Variants in KIAA0232 observed in about 807,000 individuals in gnomAD.
The protein encoded by KIAA0232 is uncharacterized protein KIAA0232.
Under a neutral mutation model 122.0 loss-of-function variants are expected in KIAA0232, and 27 were observed. That is an observed-to-expected ratio of 0.22 (90% CI 0.16 to 0.31). The LOEUF (loss-of-function observed/expected upper bound fraction) is 0.31. Ranked by LOEUF, KIAA0232 falls within the 10% of genes least tolerant of loss-of-function variation. KIAA0232 has a pLI of 1.00. For synonymous variants in KIAA0232, 613 were observed against 587.6 expected (o/e 1.04, Z -0.63); for missense variants, 1,551 against 1,634.2 (o/e 0.95, Z 0.88).
intron 2 of KIAA0232, among the ~76,000 whole-genome samples, chr4:6,822,027 T>C (rs1718448713): frequency 6.6e-6 from 1 of 152,140 alleles, no homozygotes; most frequent in Non-Finnish European, 1.5e-5. Context: ...AATTTTTCTG[T>C]TTATGACAAG....
At chr4:6,796,078 G>T (rs1264087269) in intron 1 of KIAA0232, among the ~76,000 whole-genome samples, 3 of 152,144 alleles carry the variant, frequency 2.0e-5, no homozygotes, top group Non-Finnish European at 4.4e-5. Flanking sequence ...TGTGGTTTGT[G>T]CGTAAGTGAG....
chr4:6,873,109 G>A (rs1443613514), intron 8 of KIAA0232, among the ~76,000 whole-genome samples: 1 of 152,202 alleles, frequency 6.6e-6, no homozygotes, highest in East Asian at 1.9e-4. Context: ...CCTTGGTTGC[G>A]TGCAAGGTGC....
At chr4:6,794,232 C>G (rs1177816307) in intron 1 of KIAA0232, among the ~76,000 whole-genome samples, 1 of 152,210 alleles carries the variant, frequency 6.6e-6, no homozygotes, top group Non-Finnish European at 1.5e-5. Flanking sequence ...ATGGGGAATT[C>G]TCATGCTGAA....
In KIAA0232 at chr4:6,804,132, G is replaced by A. The variant is rs150472680; in HGVS notation, c.-353-391G>A. Among the ~76,000 whole-genome samples, 863 of 152,312 alleles carry A rather than the reference G, an allele frequency of 5.7e-3. 8 individuals carry two copies. The highest frequency in any genetic ancestry group is 0.02 in the African/African-American group (830 of 41,568). ...CACAGCTAGTAGGAATTCTCAATGT[G>A]TTTCCCAGATTCAAGGATGCCTTAA... is the stretch of plus-strand genomic sequence containing the variant. On this transcript the variant is annotated intron_variant, in intron 1 of 9. Coordinates refer to ENST00000307659, the MANE Select transcript of KIAA0232 (RefSeq NM_014743.3).
At chr4:6,789,247 A>G (rs571076840) in intron 1 of KIAA0232, among the ~76,000 whole-genome samples, 2 of 150,094 alleles carry the variant, frequency 1.3e-5, no homozygotes, top group South Asian at 4.2e-4. Context: ...CTGGGATTAC[A>G]GGACTGAGCC....
rs1281606824 is a variant in KIAA0232, at chr4:6,880,789, G to A, written c.4011G>A (p.Val1337=). Residue 1337 remains valine, a splice_region_variant and synonymous_variant, in exon 10 of 10, where the codon GTG becomes GTA. Transcript: ENST00000307659. The stretch of plus-strand genomic sequence containing the variant: ...GTTGAAAATTGTTTTAATCTTAGGT[G>A]TCTTCTGTTTATGAAGCAAGATGTA... ...NEERLLDFNR[V]SSVYEARCTG... is the part of the protein sequence containing the mutation. The A allele has an allele frequency of 6.5e-7, 1 of 1,534,028 alleles. No individual in the cohort carries two copies. The highest frequency in any genetic ancestry group is 8.8e-7 in the Non-Finnish European group (1 of 1,137,390).
At chr4:6,856,156 T>TA (rs1410533624) in intron 4 of KIAA0232, among the ~76,000 whole-genome samples, 5 of 152,208 alleles carry the variant, frequency 3.3e-5, no homozygotes, top group African/African-American at 9.6e-5. Flanking sequence ...ATATCTATAA[T>TA]ATTTGTGCTG....
At chr4:6,879,888 T>TC (rs1231077933) in intron 9 of KIAA0232, among the ~76,000 whole-genome samples, 1 of 22,098 alleles carries the variant, frequency 4.5e-5, no homozygotes, top group Non-Finnish European at 1.5e-4. Context: ...GTCTGCAGTG[T>TC]CCCCTCACCA....
intron 2 of KIAA0232, among the ~76,000 whole-genome samples, chr4:6,805,266 A>G (rs1169954694): frequency 6.6e-6 from 1 of 152,220 alleles, no homozygotes; most frequent in Non-Finnish European, 1.5e-5. Flanking sequence ...TGAGAAATGA[A>G]CATATGTACT....
intron 1 of KIAA0232, among the ~76,000 whole-genome samples, chr4:6,783,232 C>T (rs962642252): frequency 7.2e-5 from 11 of 152,314 alleles, no homozygotes; most frequent in African/African-American, 2.4e-4. Flanking sequence ...TGGTGGTGCC[C>T]GGGCGTGCGG....
intron 1 of KIAA0232, among the ~76,000 whole-genome samples, chr4:6,790,915 C>CTTTTTTTTTTTTTT (rs35766310): frequency 2.9e-4 from 27 of 92,938 alleles, no homozygotes; most frequent in Non-Finnish European, 3.5e-4. Context: ...TTTTTATATA[C>CTTTTTTTTTTTTTT]TTTTTTTTTT....
At chr4:6,853,685 G>A (rs1720416226) in intron 4 of KIAA0232, among the ~76,000 whole-genome samples, 1 of 152,232 alleles carries the variant, frequency 6.6e-6, no homozygotes, top group Admixed American at 6.5e-5. Flanking sequence ...ATATGGCACA[G>A]AAACCTTTGA....
At chr4:6,783,964 G>C (rs1296685795) in intron 1 of KIAA0232, among the ~76,000 whole-genome samples, 7 of 152,120 alleles carry the variant, frequency 4.6e-5, no homozygotes, top group Admixed American at 1.3e-4. Context: ...AATTCAGCTT[G>C]CGTCTTGTGG....
At chr4:6,853,782 T>A (rs547412934) in intron 4 of KIAA0232, among the ~76,000 whole-genome samples, 1 of 152,262 alleles carries the variant, frequency 6.6e-6, no homozygotes, top group South Asian at 2.1e-4. Context: ...TTGAGAAGGA[T>A]GGGAAGTATG....
At position 6,863,695 on chromosome 4, in the gene KIAA0232, C is replaced by T. The variant is rs753115357; in HGVS notation, c.3313C>T (p.Arg1105Trp). Residue 1105 changes from arginine (R) to tryptophan (W), a missense_variant, in exon 7 of 10, where the codon CGG (arginine) becomes TGG (tryptophan). Transcript: ENST00000307659. ...ATACAGGGCTATTCGGATCTCTCCT[C>T]GGACTCACTTTCGCCCAATTTCTGC... ...TQYRAIRISP[R>W]THFRPISASE... is the part of the protein sequence containing the mutation. The T allele has an allele frequency of 8.1e-6, 13 of 1,614,068 alleles. No homozygotes were observed. In the Admixed American group the frequency reaches 1.8e-4, roughly 23 times the overall value.
At chr4:6,794,159 G>A (rs1717029162) in intron 1 of KIAA0232, among the ~76,000 whole-genome samples, 1 of 152,218 alleles carries the variant, frequency 6.6e-6, no homozygotes, top group Non-Finnish European at 1.5e-5. Flanking sequence ...AGAGAGGAGA[G>A]GAAGAGTGGC....
intron 3 of KIAA0232, among the ~76,000 whole-genome samples, chr4:6,836,222 A>G (rs1167580132): frequency 6.6e-6 from 1 of 152,112 alleles, no homozygotes; most frequent in Non-Finnish European, 1.5e-5. Flanking sequence ...ATGACCAGTG[A>G]TGATGAGCAT....
chr4:6,854,889 G>T (rs1282424969), intron 4 of KIAA0232, among the ~76,000 whole-genome samples: 3 of 151,956 alleles, frequency 2.0e-5, no homozygotes, highest in Non-Finnish European at 4.4e-5. Flanking sequence ...ACTGAAATTT[G>T]ATTATTAATA....
chr4:6,862,381 C>G lies in KIAA0232; in HGVS notation c.1999C>G (p.Leu667Val). ...TGTTTTACCATTTTCTTTTGAAACA[C>G]TCAACTTGGGAAATGAAAATACAGA... ...NSVLPFSFET[L>V]NLGNENTDSS... Residue 667 changes from leucine (L) to valine (V), a missense_variant, in exon 7 of 10, where the codon CTC (leucine) becomes GTC (valine). By Grantham distance (32) the Leu-to-Val change is conservative. This residue lies in a region of KIAA0232 where 1,108 missense variants were observed against 1,154.8 expected (regional missense o/e 0.96). Coordinates refer to ENST00000307659, the MANE Select transcript of KIAA0232 (RefSeq NM_014743.3). 6.2e-7 allele frequency: 1 copy of G among 1,614,150 alleles called. No individual in the cohort carries two copies. The highest frequency in any genetic ancestry group is 8.5e-7 in the Non-Finnish European group (1 of 1,180,032).
Sources: allele counts gnomAD v4.1 joint callset (sites outside exome capture counted in the v4.1 genomes callset), GRCh38; gene constraint gnomAD v4.1.1; regional missense constraint gnomAD v4.1.1; transcripts MANE v1.5; gene names NCBI Gene and HGNC (gene_info 2026-07-23, HGNC 2026-07-21).